RHD: variants seen among roughly 807,000 people sequenced by gnomAD.
RHD encodes the protein blood group Rh(D) polypeptide.
A neutral mutation model predicts 45.5 loss-of-function variants in RHD; 16 were observed. That is an observed-to-expected ratio of 0.35 (90% CI 0.24 to 0.53). The LOEUF (loss-of-function observed/expected upper bound fraction) is 0.53, where lower values mean the gene tolerates loss of function less well. RHD is among the 20% of genes least tolerant of loss of function. RHD has a pLI of 0.92. For missense variants in RHD, 306 were observed against 532.0 expected (o/e 0.58, Z 4.18); for synonymous variants, 131 against 217.5 (o/e 0.60, Z 3.50).
At chr1:25,290,938 G>A (rs1451949430) in intron 3 of RHD, 147 bp downstream of exon 3, 1 of 896,070 alleles carries the variant, frequency 1.1e-6, no homozygotes, top group African/African-American at 1.6e-5. Context: ...GAGGCCAGGA[G>A]TTTGAGACCA....
At chr1:25,301,244 C>A in intron 4 of RHD, 151 bp downstream of exon 4, 1 of 895,700 alleles carries the variant, frequency 1.1e-6, no homozygotes, top group Non-Finnish European at 1.8e-6. Context: ...GTAGTGTTTG[C>A]TAAATTCATA....
chr1:25,314,764 A>T (rs1168407217), intron 7 of RHD, among the ~76,000 whole-genome samples: 1 of 131,622 alleles, frequency 7.6e-6, no homozygotes, highest in Non-Finnish European at 1.8e-5. Context: ...TTGGCCTCCC[A>T]AAGTGCCAGG....
At position 25,311,914 on chromosome 1, in the gene RHD, A is replaced by C. The variant is rs191399519; in HGVS notation, c.1074-5086A>C. On this transcript the variant is annotated intron_variant, in intron 7 of 9. Transcript: ENST00000328664. The stretch of plus-strand genomic sequence containing the variant: ...CTACATTTCAAAGGGTGCTGTGAAC[A>C]GCCACCCCAGAGAGCCCCTAGTAGA... Among the ~76,000 whole-genome samples the C allele has an allele frequency of 6.9e-5, 9 of 130,352 alleles. 2 individuals are homozygous for C. The allele number at this position is 130,352 out of a possible 152,430, so 85.5% of individuals were successfully genotyped here. A position where few individuals can be genotyped will look rare whatever the true frequency, so the allele number is the denominator to read the frequency against.
rs749145983 is a variant in RHD, at chr1:25,290,716, G to A, written c.411G>A (p.Ala137=). Residue 137 remains alanine (A), a synonymous_variant, in exon 3 of 10, where the codon GCG becomes GCA. Transcript: ENST00000328664. ...CTGTCTTGGGGAAGGTCAACTTGGC[G>A]CAGTTGGTGGTGATGGTGCTGGTGG... ...VDAVLGKVNL[A]QLVVMVLVEV... is the part of the protein sequence containing the mutation. 8 of 1,377,786 alleles carry A rather than the reference G, an allele frequency of 5.8e-6. 2 individuals carry two copies. Among genetic ancestry groups the A allele is most frequent in the African/African-American group, 1.4e-5 (1 of 70,492 alleles). The allele number at this position is 1,377,786 out of a possible 1,614,324, so 85.3% of individuals were successfully genotyped here.
At chr1:25,287,708 T>A (rs1174323603) in intron 2 of RHD, among the ~76,000 whole-genome samples, 2 of 135,188 alleles carry the variant, frequency 1.5e-5, no homozygotes, top group Non-Finnish European at 1.8e-5. Context: ...AACTCTGAAG[T>A]GGGATGTTTT....
At position 25,272,779 on chromosome 1, in the gene RHD, A is replaced by T. The variant is rs1222064092; in HGVS notation, c.148+84A>T. Reference sequence around the variant, plus strand: ...GGCCTGTGGTTCTCCAGGGGCACAGATGTTCCTTTCTACAAAATCCCAAGG... The same window carrying T: ...GGCCTGTGGTTCTCCAGGGGCACAGTTGTTCCTTTCTACAAAATCCCAAGG... On this transcript the variant is annotated intron_variant, in intron 1 of 9. Transcript: ENST00000328664. 2.3e-5 allele frequency: 30 copies of T among 1,332,802 alleles called. 6 individuals carry two copies. The Admixed American group carries it at 3.3e-4, about 14-fold the overall frequency. The allele number at this position is 1,332,802 out of a possible 1,614,324, so 82.6% of individuals were successfully genotyped here. A position where few individuals can be genotyped will look rare whatever the true frequency, so the allele number is the denominator to read the frequency against.
rs532301352 is a variant in RHD, at chr1:25,300,758, G to A, written c.487-188G>A. On this transcript the variant is annotated intron_variant, in intron 3 of 9. Coordinates refer to ENST00000328664, the MANE Select transcript of RHD (RefSeq NM_016124.6). ...TGGGAGGCAAATGTTCCAGTGAGCCGAGATCGTGCCATTGCACTCCAGCCT... is the reference window on the plus strand; with the variant it reads ...TGGGAGGCAAATGTTCCAGTGAGCCAAGATCGTGCCATTGCACTCCAGCCT... Among the ~76,000 whole-genome samples, 79 of 132,050 alleles carry A rather than the reference G, an allele frequency of 6.0e-4. 9 individuals carry two copies. The highest frequency in any genetic ancestry group is 1.9e-3 in the African/African-American group (72 of 38,492). 86.6% of individuals were successfully genotyped at this position (132,050 alleles called of 152,430 possible).
At chr1:25,282,615 C>T (rs1327098321) in intron 1 of RHD, among the ~76,000 whole-genome samples, 1 of 132,618 alleles carries the variant, frequency 7.5e-6, no homozygotes, top group Non-Finnish European at 1.8e-5. Context: ...TATGCTTCCC[C>T]TTCCACCTTT....
intron 7 of RHD, among the ~76,000 whole-genome samples, chr1:25,314,726 G>A (rs1366459301): frequency 7.6e-6 from 1 of 131,362 alleles, no homozygotes; most frequent in African/African-American, 2.6e-5. Context: ...GGCTGATCTT[G>A]GACTCCTGGC....
rs1187466327 is a variant in RHD at position 25,308,031 on chromosome 1, A to T, written c.1073+1302A>T. Among the ~76,000 whole-genome samples the T allele has an allele frequency of 3.6e-4, 6 of 16,590 alleles. 1 individual carries two copies. The highest frequency in any genetic ancestry group is 0.02 in the South Asian group (1 of 50). 10.9% of individuals were successfully genotyped at this position (16,590 alleles called of 152,430 possible). A position where few individuals can be genotyped will look rare whatever the true frequency, so the allele number is the denominator to read the frequency against. On this transcript the variant is annotated intron_variant, in intron 7 of 9. Transcript: ENST00000328664. ...ATGCCTGTAGAGAACAGGCAGGGGA[A>T]GTTAGAAAAAAAAAAAAGCCAGTGA...
intron 1 of RHD, among the ~76,000 whole-genome samples, chr1:25,278,994 T>C (rs1641247620): frequency 7.7e-6 from 1 of 129,178 alleles, no homozygotes; most frequent in African/African-American, 2.7e-5. Context: ...TGGGTGTGAC[T>C]TCAGAGCTGT....
In RHD at chr1:25,316,030, C is replaced by T. The variant is rs111906936; in HGVS notation, c.1074-970C>T. On this transcript the variant is annotated intron_variant, in intron 7 of 9. Coordinates refer to ENST00000328664, the MANE Select transcript of RHD (RefSeq NM_016124.6). ...GCTGCCCACCTGTTGAGACAAGAAA[C>T]AGGAAAGGCTTAAAAAACTGGCTTG... Among the ~76,000 whole-genome samples, 25 of 131,188 alleles carry T rather than the reference C, an allele frequency of 1.9e-4. 3 individuals are homozygous for T. The South Asian group carries it at 3.7e-3, about 20-fold the overall frequency. The allele number at this position is 131,188 out of a possible 152,430, so 86.1% of individuals were successfully genotyped here.
In RHD at chr1:25,302,633, A is replaced by G. The variant is rs1166826138; in HGVS notation, c.802-689A>G. On this transcript the variant is annotated intron_variant, in intron 5 of 9. Transcript: ENST00000328664. ...GAGCAGTGAAGGACATAGCAGAGCT[A>G]TGACCCAGGAACAAGGCCCAGCTTA... 2.3e-5 allele frequency among the ~76,000 whole-genome samples: 3 copies of G among 129,972 alleles called. 1 individual carries two copies. Among genetic ancestry groups the G allele is most frequent in the Non-Finnish European group, 5.4e-5 (3 of 55,148 alleles). 85.3% of individuals were successfully genotyped at this position (129,972 alleles called of 152,430 possible).
Position 25,301,521 on chromosome 1 carries a change from C to A in RHD, c.636C>A (p.Gly212=), listed in dbSNP as rs1012525481. 2 of 1,378,046 alleles carry A rather than the reference C, an allele frequency of 1.5e-6. No homozygotes were observed. Among genetic ancestry groups the A allele is most frequent in the South Asian group, 1.2e-5 (1 of 84,868 alleles). The allele number at this position is 1,378,046 out of a possible 1,614,324, so 85.4% of individuals were successfully genotyped here. ...ATIPSLSAML[G]ALFLWMFWPS... Reference sequence around the variant, plus strand: ...CCAACCACCCTCTCTGGCCCCCAGGCGCCCTCTTCTTGTGGATGTTCTGGC... The same window carrying A: ...CCAACCACCCTCTCTGGCCCCCAGGAGCCCTCTTCTTGTGGATGTTCTGGC... The change falls in exon 5 of 10, where the codon GGC becomes GGA. Residue 212 remains glycine, a splice_region_variant and synonymous_variant. Transcript: ENST00000328664.
At chr1:25,309,307 G>T (rs1166115830) in intron 7 of RHD, among the ~76,000 whole-genome samples, 1 of 131,344 alleles carries the variant, frequency 7.6e-6, no homozygotes, top group Middle Eastern at 4.1e-3. Flanking sequence ...TCAATTCTCA[G>T]TCCTTTGATT....
rs1407117481 is a variant in RHD, at chr1:25,293,452, T to C, written c.486+2661T>C. On this transcript the variant is annotated intron_variant, in intron 3 of 9. Coordinates refer to ENST00000328664, the MANE Select transcript of RHD (RefSeq NM_016124.6). Reference sequence around the variant, plus strand: ...TTGTGCGGAAATAACAATTTATTACTTATAGTTTTATATTTGTGGACAGAT... The same window carrying C: ...TTGTGCGGAAATAACAATTTATTACCTATAGTTTTATATTTGTGGACAGAT... Among the ~76,000 whole-genome samples the C allele has an allele frequency of 3.0e-5, 4 of 131,208 alleles. 2 individuals carry two copies. Among genetic ancestry groups the C allele is most frequent in the African/African-American group, 5.2e-5 (2 of 38,484 alleles). 86.1% of individuals were successfully genotyped at this position (131,208 alleles called of 152,430 possible).
At chr1:25,280,244 G>A (rs1344176866) in intron 1 of RHD, among the ~76,000 whole-genome samples, 1 of 128,114 alleles carries the variant, frequency 7.8e-6, no homozygotes, top group Admixed American at 7.6e-5. Context: ...TCAGGGAATC[G>A]GGATCAGGGG....
rs191122253 is a variant in RHD, at chr1:25,275,870, C to T, written c.148+3175C>T. Among the ~76,000 whole-genome samples the T allele has an allele frequency of 7.6e-5, 10 of 131,766 alleles. 3 individuals carry two copies. Among genetic ancestry groups the T allele is most frequent in the Middle Eastern group, 8.2e-3 (2 of 244 alleles). 86.4% of individuals were successfully genotyped at this position (131,766 alleles called of 152,430 possible). A position where few individuals can be genotyped will look rare whatever the true frequency, so the allele number is the denominator to read the frequency against. ...TCTCGAATGTGACTGACAGCTTGTACGAGGAGAAGTTTCACTCTGCCTTTT... is the reference window on the plus strand; with the variant it reads ...TCTCGAATGTGACTGACAGCTTGTATGAGGAGAAGTTTCACTCTGCCTTTT... On this transcript the variant is annotated intron_variant, in intron 1 of 9. Transcript: ENST00000328664.
At chr1:25,301,901 G>T (rs1381341277) in intron 5 of RHD, among the ~76,000 whole-genome samples, 1 of 131,116 alleles carries the variant, frequency 7.6e-6, no homozygotes, top group Non-Finnish European at 1.8e-5. Flanking sequence ...AGGCTTTCTG[G>T]GGGTAGTGAT....
Sources: allele counts gnomAD v4.1 joint callset (sites outside exome capture counted in the v4.1 genomes callset), GRCh38; gene constraint gnomAD v4.1.1; transcripts MANE v1.5; gene names NCBI Gene and HGNC (gene_info 2026-07-23, HGNC 2026-07-21).